Variants in NEDD4L observed in about 807,000 individuals in gnomAD.
NEDD4L encodes the protein E3 ubiquitin-protein ligase NEDD4-like.
A neutral mutation model predicts 148.9 loss-of-function variants in NEDD4L; 54 were observed. The observed-to-expected ratio is 0.36, with a 90% CI of 0.29 to 0.45. The LOEUF (loss-of-function observed/expected upper bound fraction) is 0.45, where lower values mean the gene tolerates loss of function less well. Ranked by LOEUF, NEDD4L falls within the 20% of genes least tolerant of loss-of-function variation. The pLI, the probability that NEDD4L is intolerant of heterozygous loss-of-function variation, is 1.00. For missense variants in NEDD4L, 856 were observed against 1,233.8 expected (o/e 0.69, Z 4.59); for synonymous variants, 433 against 440.7 (o/e 0.98, Z 0.22).
chr18:58,305,201 A>T (rs1349335824), intron 5 of NEDD4L, among the ~76,000 whole-genome samples: 1 of 152,168 alleles, frequency 6.6e-6, no homozygotes, highest in Non-Finnish European at 1.5e-5. Context: ...CCTATCATAT[A>T]CTCTGAGATT....
chr18:58,396,307 G>A lies in NEDD4L; in HGVS notation c.*38G>A, dbSNP rs1250592887. On this transcript the variant is annotated 3_prime_UTR_variant, in exon 31 of 31. Transcript: ENST00000400345. Reference sequence around the variant, plus strand: ...TCGGGGGTGGTTGTTCTTCAAGCAAGTTCTGCTTGCACTTTTGCATTTGCC... The same window carrying A: ...TCGGGGGTGGTTGTTCTTCAAGCAAATTCTGCTTGCACTTTTGCATTTGCC... 3.6e-6 allele frequency: 5 copies of A among 1,387,866 alleles called. No homozygotes were observed. Among genetic ancestry groups the A allele is most frequent in the Non-Finnish European group, 4.1e-6 (4 of 982,674 alleles). 86.0% of individuals were successfully genotyped at this position (1,387,866 alleles called of 1,614,324 possible). A position where few individuals can be genotyped will look rare whatever the true frequency, so the allele number is the denominator to read the frequency against.
chr18:58,212,271 C>A (rs1408563121), intron 2 of NEDD4L, among the ~76,000 whole-genome samples: 1 of 151,802 alleles, frequency 6.6e-6, no homozygotes, highest in Admixed American at 6.6e-5. Flanking sequence ...AGACTACAGG[C>A]AAGACTCACT....
At chr18:58,131,330 G>T (rs2032103329) in intron 1 of NEDD4L, among the ~76,000 whole-genome samples, 1 of 143,184 alleles carries the variant, frequency 7.0e-6, no homozygotes, top group Non-Finnish European at 1.5e-5. Context: ...GGCTCTGTTG[G>T]GATTTGCCTC....
intron 9 of NEDD4L, 27 bp downstream of exon 9, chr18:58,325,189 A>T (rs1245377935): frequency 2.2e-5 from 35 of 1,611,386 alleles, no homozygotes; most frequent in Non-Finnish European, 2.7e-5. Flanking sequence ...GGTCAGGAAC[A>T]CGTGCACGTG....
chr18:58,374,147 A>T (rs2047250658), intron 24 of NEDD4L, among the ~76,000 whole-genome samples: 1 of 152,272 alleles, frequency 6.6e-6, no homozygotes, highest in Non-Finnish European at 1.5e-5. Context: ...AGATTGCTAG[A>T]GAATCTTTGA....
chr18:58,102,666 G>C (rs188975880), intron 1 of NEDD4L, among the ~76,000 whole-genome samples: 1 of 152,230 alleles, frequency 6.6e-6, no homozygotes, highest in African/African-American at 2.4e-5. Context: ...AAATAACGCA[G>C]TATCACATCT....
intron 1 of NEDD4L, among the ~76,000 whole-genome samples, chr18:58,073,460 G>C (rs1248324513): frequency 3.3e-5 from 5 of 152,180 alleles, no homozygotes; most frequent in Admixed American, 6.5e-5. Flanking sequence ...ACAGTCAGTT[G>C]TGTTTTTGAC....
At chr18:58,258,306 C>T (rs1275314152) in intron 5 of NEDD4L, among the ~76,000 whole-genome samples, 1 of 152,262 alleles carries the variant, frequency 6.6e-6, no homozygotes, top group Non-Finnish European at 1.5e-5. Context: ...AGGCTTTGTT[C>T]GGCAACACAA....
At chr18:58,239,463 G>A (rs1036652044) in intron 2 of NEDD4L, among the ~76,000 whole-genome samples, 1 of 152,122 alleles carries the variant, frequency 6.6e-6, no homozygotes, top group African/African-American at 2.4e-5. Context: ...AATCCCCCTT[G>A]ACATTTTGCC....
At chr18:58,318,443 A>G (rs1163334299) in intron 6 of NEDD4L, among the ~76,000 whole-genome samples, 1 of 152,120 alleles carries the variant, frequency 6.6e-6, no homozygotes, top group African/African-American at 2.4e-5. Context: ...TGTTGCCTCA[A>G]CTGTTTAGAA....
intron 19 of NEDD4L, among the ~76,000 whole-genome samples, chr18:58,361,698 C>T (rs1200441066): frequency 6.6e-6 from 1 of 150,546 alleles, no homozygotes; most frequent in African/African-American, 2.4e-5. Context: ...CATTTAGAAC[C>T]GACCTACACA....
chr18:58,305,779 T>C (rs2056985758), intron 5 of NEDD4L, among the ~76,000 whole-genome samples: 1 of 152,176 alleles, frequency 6.6e-6, no homozygotes, highest in South Asian at 2.1e-4. Context: ...TCCACACTTT[T>C]CTCATCAAGC....
intron 2 of NEDD4L, among the ~76,000 whole-genome samples, chr18:58,238,468 A>G (rs926304231): frequency 2.0e-5 from 3 of 152,208 alleles, no homozygotes; most frequent in Non-Finnish European, 4.4e-5. Flanking sequence ...AAAACCATAA[A>G]TGGAAAAATA....
intron 5 of NEDD4L, among the ~76,000 whole-genome samples, chr18:58,288,621 T>C (rs2054260493): frequency 6.6e-6 from 1 of 152,238 alleles, no homozygotes; most frequent in African/African-American, 2.4e-5. Flanking sequence ...GAAATTTTGG[T>C]TAATGTTAAC....
At position 58,351,055 on chromosome 18, in the gene NEDD4L, C is replaced by CG; in HGVS notation, c.1708+11dup. 6.3e-7 allele frequency: 1 copy of CG among 1,581,246 alleles called. No individual in the cohort carries two copies. The highest frequency in any genetic ancestry group is 8.6e-7 in the Non-Finnish European group (1 of 1,161,960). On this transcript the variant is annotated intron_variant, in intron 18 of 30. Coordinates refer to ENST00000400345, the MANE Select transcript of NEDD4L (RefSeq NM_001144967.3). ...TTTTATATTGATCATAGTAAGTAGG[C>CG]GCTGTTATGGACACACAGGTGTTGT...
intron 2 of NEDD4L, among the ~76,000 whole-genome samples, chr18:58,201,382 T>C (rs1304354065): frequency 6.6e-6 from 1 of 152,084 alleles, no homozygotes. Flanking sequence ...AAATTATTCT[T>C]CAAACATATA....
At chr18:58,364,791 C>T (rs1249063838) in intron 20 of NEDD4L, among the ~76,000 whole-genome samples, 1 of 152,140 alleles carries the variant, frequency 6.6e-6, no homozygotes, top group Non-Finnish European at 1.5e-5. Flanking sequence ...TAATAATTGG[C>T]AGTATTACGT....
intron 1 of NEDD4L, among the ~76,000 whole-genome samples, chr18:58,068,207 TG>T (rs1169302334): frequency 0.13 from 11,631 of 89,720 alleles, 466 homozygotes; most frequent in African/African-American, 0.26. Context: ...TTTTTTTTTT[TG>T]TTTTGTTTTG....
At chr18:58,312,408 T>C (rs2057800472) in intron 5 of NEDD4L, among the ~76,000 whole-genome samples, 2 of 152,346 alleles carry the variant, frequency 1.3e-5, no homozygotes, top group East Asian at 1.9e-4. Context: ...TTGGAAATCA[T>C]TAAAAATTGA....
Sources: allele counts gnomAD v4.1 joint callset (sites outside exome capture counted in the v4.1 genomes callset), GRCh38; gene constraint gnomAD v4.1.1; transcripts MANE v1.5; gene names NCBI Gene and HGNC (gene_info 2026-07-23, HGNC 2026-07-21).